Variants in TNR observed in about 807,000 individuals in gnomAD.
TNR encodes the protein tenascin R.
In TNR, 45 loss-of-function variants were observed where a neutral mutation model predicts 150.4. That is an observed-to-expected ratio of 0.30 (90% CI 0.24 to 0.38). TNR has a LOEUF of 0.38. Ranked by LOEUF, TNR falls within the 10% of genes least tolerant of loss-of-function variation. The pLI is 1.00. For synonymous variants in TNR, 687 were observed against 678.4 expected, an observed-to-expected ratio of 1.01 and a Z score of -0.20; for missense variants, 1,544 against 1,759.1, an observed-to-expected ratio of 0.88 and a Z score of 2.19.
chr1:175,356,706 C>T (rs1321151383), intron 15 of TNR, among the ~76,000 whole-genome samples: 2 of 152,136 alleles, frequency 1.3e-5, no homozygotes, highest in Non-Finnish European at 2.9e-5. Flanking sequence ...CTATTCGTGT[C>T]TCTGGAGTTA....
At chr1:175,589,736 C>G (rs570726665) in intron 1 of TNR, among the ~76,000 whole-genome samples, 1 of 152,188 alleles carries the variant, frequency 6.6e-6, no homozygotes, top group Non-Finnish European at 1.5e-5. Flanking sequence ...TCTCAGCAAA[C>G]TAACACCAGA....
intron 4 of TNR, among the ~76,000 whole-genome samples, chr1:175,398,210 G>A (rs1380775871): frequency 6.6e-6 from 1 of 152,128 alleles, no homozygotes; most frequent in Non-Finnish European, 1.5e-5. Context: ...AGACTCACAG[G>A]ATAGAATCAG....
rs200254080 is a variant in TNR, at chr1:175,486,529, T to C, written c.-64+41740A>G. 4.6e-5 allele frequency among the ~76,000 whole-genome samples: 7 copies of C among 152,352 alleles called. No homozygotes were observed. The East Asian group carries it at 1.2e-3, about 25-fold the overall frequency. ...TTTTCTTTATCCAGTCTATCATTGA[T>C]GGGCATTTGGGTTGGTTCCAAGTCT... On this transcript the variant is annotated intron_variant, in intron 2 of 22. Coordinates refer to ENST00000367674, the MANE Select transcript of TNR (RefSeq NM_003285.3).
intron 1 of TNR, among the ~76,000 whole-genome samples, chr1:175,734,230 C>A (rs1409187112): frequency 1.3e-5 from 2 of 152,192 alleles, no homozygotes; most frequent in Non-Finnish European, 2.9e-5. Context: ...ACCCTTCCTG[C>A]CTGAAATTCC....
At chr1:175,416,927 G>C (rs890327113) in intron 2 of TNR, among the ~76,000 whole-genome samples, 2 of 152,052 alleles carry the variant, frequency 1.3e-5, no homozygotes, top group Non-Finnish European at 2.9e-5. Context: ...AGAATGGCGT[G>C]AACCCGGGAG....
chr1:175,334,699 T>C (rs1050663754), intron 20 of TNR, among the ~76,000 whole-genome samples: 2 of 152,028 alleles, frequency 1.3e-5, no homozygotes, highest in African/African-American at 2.4e-5. Context: ...CCCCAACCAA[T>C]TGGCAGCACC....
At chr1:175,663,516 A>G (rs1455305189) in intron 1 of TNR, among the ~76,000 whole-genome samples, 1 of 152,206 alleles carries the variant, frequency 6.6e-6, no homozygotes, top group Non-Finnish European at 1.5e-5. Flanking sequence ...GAAAACACAC[A>G]AGGATTTTTG....
chr1:175,397,528 A>T (rs1653489927), intron 4 of TNR, among the ~76,000 whole-genome samples: 1 of 152,106 alleles, frequency 6.6e-6, no homozygotes. Flanking sequence ...GGAAATAAAG[A>T]CTCATTCCTG....
chr1:175,508,694 A>G (rs1659050517), intron 2 of TNR, among the ~76,000 whole-genome samples: 1 of 152,170 alleles, frequency 6.6e-6, no homozygotes, highest in African/African-American at 2.4e-5. Context: ...CTGCCTTGAG[A>G]TGACTGCATC....
intron 2 of TNR, among the ~76,000 whole-genome samples, chr1:175,424,031 A>G (rs923639691): frequency 4.6e-5 from 7 of 152,242 alleles, no homozygotes; most frequent in Non-Finnish European, 5.9e-5. Flanking sequence ...TAGAAAATCT[A>G]TACATATTTA....
At chr1:175,670,381 G>A (rs1208277424) in intron 1 of TNR, among the ~76,000 whole-genome samples, 1 of 152,202 alleles carries the variant, frequency 6.6e-6, no homozygotes, top group Non-Finnish European at 1.5e-5. Flanking sequence ...TCCCTCAGAA[G>A]AGGGTAAAAA....
intron 2 of TNR, among the ~76,000 whole-genome samples, chr1:175,466,203 C>A (rs1165113071): frequency 6.6e-6 from 1 of 152,170 alleles, no homozygotes; most frequent in Non-Finnish European, 1.5e-5. Flanking sequence ...GAAACTGAGG[C>A]TCATGGAGGT....
At chr1:175,493,064 A>G (rs1470042968) in intron 2 of TNR, among the ~76,000 whole-genome samples, 1 of 152,036 alleles carries the variant, frequency 6.6e-6, no homozygotes, top group Non-Finnish European at 1.5e-5. Context: ...GTGACACATT[A>G]TTCTCTGCTG....
At chr1:175,423,817 C>T (rs1654856891) in intron 2 of TNR, among the ~76,000 whole-genome samples, 1 of 152,138 alleles carries the variant, frequency 6.6e-6, no homozygotes, top group African/African-American at 2.4e-5. Context: ...AACTGAAACT[C>T]ACAGAGCTGG....
At chr1:175,543,913 G>GAA (rs200918285) in intron 1 of TNR, among the ~76,000 whole-genome samples, 2 of 150,414 alleles carry the variant, frequency 1.3e-5, no homozygotes, top group African/African-American at 2.4e-5. Flanking sequence ...AAGTCACAGA[G>GAA]AAAAAAAAAG....
chr1:175,323,268 C>G lies in TNR; in HGVS notation c.*89G>C. The G allele has an allele frequency of 6.5e-7, 1 of 1,535,462 alleles. No homozygotes were observed. Among genetic ancestry groups the G allele is most frequent in the East Asian group, 2.3e-5 (1 of 44,002 alleles). The stretch of plus-strand genomic sequence containing the variant: ...CACATACTCTTAATATGTTGCAAAA[C>G]ACATTGCTATTACCCTCCCCCCTTG... On this transcript the variant is annotated 3_prime_UTR_variant, in exon 23 of 23. Coordinates refer to ENST00000367674, the MANE Select transcript of TNR (RefSeq NM_003285.3).
chr1:175,341,373 T>G (rs1571314907), intron 18 of TNR, among the ~76,000 whole-genome samples: 1 of 152,294 alleles, frequency 6.6e-6, no homozygotes, highest in African/African-American at 2.4e-5. Context: ...CAGGCTGTGG[T>G]GATTACTAAG....
chr1:175,555,077 C>T (rs1165260128), intron 1 of TNR, among the ~76,000 whole-genome samples: 1 of 152,038 alleles, frequency 6.6e-6, no homozygotes, highest in Non-Finnish European at 1.5e-5. Flanking sequence ...TAAGCATAGT[C>T]CTAGGTGCTG....
At chr1:175,740,035 T>C (rs4565663) in intron 1 of TNR, among the ~76,000 whole-genome samples, 47,741 of 152,160 alleles carry the variant, frequency 0.31, 7,953 homozygotes, top group African/African-American at 0.43. Context: ...TTTCTATAAA[T>C]GCGGTTGAAA....
Sources: gnomAD v4.1 joint callset for allele counts (sites outside exome capture counted in the v4.1 genomes callset) on GRCh38, gnomAD v4.1.1 for gene constraint, MANE v1.5 for transcripts, NCBI Gene and HGNC (gene_info 2026-07-23, HGNC 2026-07-21) for gene names.